ADAMTS16: variants seen among roughly 807,000 people sequenced by gnomAD.
The protein encoded by ADAMTS16 is A disintegrin and metalloproteinase with thrombospondin motifs 16.
In ADAMTS16, 94 loss-of-function variants were observed where a neutral mutation model predicts 145.8. That is an observed-to-expected ratio of 0.64 (90% CI 0.55 to 0.77). The LOEUF is 0.77. ADAMTS16 is among the 30% of genes least tolerant of loss of function. The pLI, the probability that ADAMTS16 is intolerant of heterozygous loss-of-function variation, is 0.00. For synonymous variants in ADAMTS16, 659 were observed against 604.3 expected, an observed-to-expected ratio of 1.09 and a Z score of -1.33; for missense variants, 1,585 against 1,591.5, an observed-to-expected ratio of 1.00 and a Z score of 0.07.
intron 11 of ADAMTS16, among the ~76,000 whole-genome samples, chr5:5,225,400 C>T (rs1736731262): frequency 6.6e-6 from 1 of 152,106 alleles, no homozygotes; most frequent in Non-Finnish European, 1.5e-5. Context: ...GTCAAGAGAT[C>T]GAGACCATCC....
chr5:5,305,310 C>T (rs1740061639), intron 20 of ADAMTS16, among the ~76,000 whole-genome samples: 1 of 116,998 alleles, frequency 8.5e-6, no homozygotes, highest in Admixed American at 8.5e-5. Context: ...ACACACATCC[C>T]ACACCACACA....
chr5:5,156,386 G>A (rs1734603476), intron 3 of ADAMTS16, among the ~76,000 whole-genome samples: 1 of 152,076 alleles, frequency 6.6e-6, no homozygotes, highest in South Asian at 2.1e-4. Context: ...TTGCAATGGA[G>A]GAACAAGACT....
chr5:5,181,607 T>C (rs1156258265), intron 3 of ADAMTS16, among the ~76,000 whole-genome samples: 1 of 152,262 alleles, frequency 6.6e-6, no homozygotes, highest in Non-Finnish European at 1.5e-5. Flanking sequence ...AAATTCGTTT[T>C]AACAGAGTTT....
intron 3 of ADAMTS16, among the ~76,000 whole-genome samples, chr5:5,149,230 G>A (rs1734385607): frequency 6.6e-6 from 1 of 152,192 alleles, no homozygotes; most frequent in Non-Finnish European, 1.5e-5. Flanking sequence ...ATTCAGTTAA[G>A]TAAGGGTAAT....
At chr5:5,223,573 A>G (rs1178134199) in intron 11 of ADAMTS16, 1 of 152,172 alleles carries the variant, frequency 6.6e-6, no homozygotes, top group Admixed American at 6.5e-5. Context: ...TTCGAATGCC[A>G]AACTTTAGTG....
intron 10 of ADAMTS16, among the ~76,000 whole-genome samples, chr5:5,214,587 T>C (rs1736371236): frequency 6.6e-6 from 1 of 152,080 alleles, no homozygotes; most frequent in South Asian, 2.1e-4. Context: ...TATTTTTTGT[T>C]GAGACAGTGT....
chr5:5,196,844 TG>T (rs1233905777), intron 8 of ADAMTS16, among the ~76,000 whole-genome samples: 3 of 152,234 alleles, frequency 2.0e-5, no homozygotes, highest in Non-Finnish European at 4.4e-5. Context: ...AAACTGAGGC[TG>T]GGGGGGTCAA....
chr5:5,171,231 C>T (rs1057074858), intron 3 of ADAMTS16, among the ~76,000 whole-genome samples: 2 of 151,972 alleles, frequency 1.3e-5, no homozygotes, highest in Non-Finnish European at 2.9e-5. Flanking sequence ...GATAATTTGA[C>T]TTCTTTCTTT....
intron 18 of ADAMTS16, among the ~76,000 whole-genome samples, chr5:5,276,604 A>T (rs1342400038): frequency 3.3e-5 from 5 of 152,228 alleles, no homozygotes. Context: ...GTTGGAAAGC[A>T]GCAGGCCGAG....
chr5:5,143,237 T>C lies in ADAMTS16; in HGVS notation c.175+2471T>C, dbSNP rs1379050731. Among the ~76,000 whole-genome samples, 3 of 151,990 alleles carry C rather than the reference T, an allele frequency of 2.0e-5. No individual in the cohort carries two copies. In the East Asian group the frequency reaches 5.8e-4, roughly 29 times the overall value. The stretch of plus-strand genomic sequence containing the variant: ...TTGTTGTAATCTATCCATCTGACAA[T>C]GGGCTAATATCCAGAATCTACAAGA... On this transcript the variant is annotated intron_variant, in intron 2 of 22. Transcript: ENST00000274181.
intron 18 of ADAMTS16, among the ~76,000 whole-genome samples, chr5:5,272,592 C>T (rs568007041): frequency 2.2e-4 from 33 of 152,100 alleles, no homozygotes; most frequent in African/African-American, 7.7e-4. Flanking sequence ...GTCTCGATCT[C>T]CTGACCTGGT....
chr5:5,276,524 GA>G (rs1173029959), intron 18 of ADAMTS16, among the ~76,000 whole-genome samples: 1 of 152,220 alleles, frequency 6.6e-6, no homozygotes, highest in Non-Finnish European at 1.5e-5. Context: ...AGCTTAAACT[GA>G]AGATTAAATC....
At chr5:5,305,616 A>T (rs138142823) in intron 20 of ADAMTS16, among the ~76,000 whole-genome samples, 1 of 152,164 alleles carries the variant, frequency 6.6e-6, no homozygotes. Context: ...GAGTGTTCCA[A>T]GTCCTCTCCA....
chr5:5,163,018 G>A (rs1216719758), intron 3 of ADAMTS16, among the ~76,000 whole-genome samples: 1 of 152,136 alleles, frequency 6.6e-6, no homozygotes, highest in African/African-American at 2.4e-5. Flanking sequence ...AAATGCTCGT[G>A]GAGAATTTAC....
chr5:5,260,007 A>G (rs1737951009), intron 17 of ADAMTS16, among the ~76,000 whole-genome samples: 1 of 152,228 alleles, frequency 6.6e-6, no homozygotes, highest in Admixed American at 6.5e-5. Flanking sequence ...ATTTTCCTAA[A>G]TTGATCTTTT....
At chr5:5,305,104 TCCCACACCACACACACAC>T (rs1278074207) in intron 20 of ADAMTS16, among the ~76,000 whole-genome samples, 4,653 of 20,514 alleles carry the variant, frequency 0.23, 276 homozygotes, top group Non-Finnish European at 0.29. Flanking sequence ...CACACACACA[TCCCACACCACACACACAC>T]CCCACACCAC....
intron 17 of ADAMTS16, among the ~76,000 whole-genome samples, chr5:5,259,061 A>G (rs2964401): frequency 0.95 from 144,267 of 152,168 alleles, 68,882 homozygotes; most frequent in East Asian, 1. Flanking sequence ...ACCCGTGTCC[A>G]TGCTGGGTGT....
chr5:5,213,066 C>T (rs1031643086), intron 10 of ADAMTS16, among the ~76,000 whole-genome samples: 1 of 152,220 alleles, frequency 6.6e-6, no homozygotes, highest in African/African-American at 2.4e-5. Context: ...ACAAATAAAT[C>T]CATGCATCCC....
chr5:5,310,098 C>A lies in ADAMTS16; in HGVS notation c.3411+3370C>A, dbSNP rs1740360963. Among the ~76,000 whole-genome samples the A allele has an allele frequency of 6.6e-6, 1 of 152,102 alleles. No homozygotes were observed. The highest frequency in any genetic ancestry group is 2.1e-4 in the South Asian group (1 of 4,820). ...GAAATTAGTGCAGGTGCCTGTTGGG[C>A]AGCCGGGGTCAAGGTGTGAACAAAG... On this transcript the variant is annotated intron_variant, in intron 21 of 22. Coordinates refer to ENST00000274181, the MANE Select transcript of ADAMTS16 (RefSeq NM_139056.4). This position sits in a 1 kb window ranked among gnomAD's most constrained non-coding sequence, Gnocchi z 4.3.
Sources: allele counts gnomAD v4.1 joint callset (sites outside exome capture counted in the v4.1 genomes callset), GRCh38; gene constraint gnomAD v4.1.1; non-coding constraint Gnocchi (gnomAD v3.1); transcripts MANE v1.5; gene names NCBI Gene and HGNC (gene_info 2026-07-23, HGNC 2026-07-21).